Variants in TTC4 observed in about 807,000 individuals in gnomAD.
TTC4 encodes hsp70/Hsp90 co-chaperone CNS1 homolog.
A neutral mutation model predicts 51.9 loss-of-function variants in TTC4; 36 were observed. The observed-to-expected ratio is 0.69, with a 90% confidence interval of 0.53 to 0.92. The LOEUF (loss-of-function observed/expected upper bound fraction) is 0.92. Among genes scored for constraint, TTC4 ranks in the 40% least tolerant of loss-of-function variants. The pLI is 0.00. For missense variants in TTC4, 399 were observed against 454.6 expected, an observed-to-expected ratio of 0.88 and a Z score of 1.11; for synonymous variants, 144 against 164.2, an observed-to-expected ratio of 0.88 and a Z score of 0.94.
At chr1:54,727,398 A>G (rs944783379) in intron 5 of TTC4, among the ~76,000 whole-genome samples, 8 of 152,190 alleles carry the variant, frequency 5.3e-5, no homozygotes, top group East Asian at 3.8e-4. Flanking sequence ...AGACTATACA[A>G]CTCTTAAAAG....
intron 4 of TTC4, 28 bp from the exon 5 acceptor site, chr1:54,722,647 T>G: frequency 1.1e-5 from 17 of 1,606,094 alleles, no homozygotes; most frequent in Non-Finnish European, 1.4e-5. Flanking sequence ...ATGTTTTTCT[T>G]GAATCCTAAG....
rs1645961718 is a variant in TTC4, at chr1:54,737,581, G to C, written c.979-1G>C. 1 of 1,613,670 alleles carries C rather than the reference G, an allele frequency of 6.2e-7. No homozygotes were observed. ...CTCTTGCCCTTCTGTTAATCTTGCA[G>C]GTCTACTTTGAGGATGAGGACAGGG... On this transcript the variant is annotated splice_acceptor_variant, in intron 8 of 9. Coordinates refer to ENST00000371281, the MANE Select transcript of TTC4 (RefSeq NM_004623.5). LOFTEE classifies it high-confidence loss of function.
chr1:54,728,932 T>C (rs537236312), intron 6 of TTC4, among the ~76,000 whole-genome samples: 28 of 152,362 alleles, frequency 1.8e-4, no homozygotes, highest in Middle Eastern at 3.4e-3. Context: ...CCATAGATCT[T>C]AGCAACCTCA....
intron 3 of TTC4, among the ~76,000 whole-genome samples, chr1:54,718,191 G>A (rs931945467): frequency 6.6e-6 from 1 of 151,988 alleles, no homozygotes; most frequent in South Asian, 2.1e-4. Context: ...GACCAACCTG[G>A]GCAATATAGT....
chr1:54,725,597 A>G lies in TTC4; in HGVS notation c.595-2749A>G, dbSNP rs967522896. The stretch of plus-strand genomic sequence containing the variant: ...ACATGTACACAAAGCCTCTTGACAA[A>G]GATTGGAAGACTTACTGTCTGGTCA... On this transcript the variant is annotated intron_variant, in intron 5 of 9. Transcript: ENST00000371281. Among the ~76,000 whole-genome samples the G allele has an allele frequency of 3.9e-5, 6 of 152,210 alleles. No individual in the cohort carries two copies. In the South Asian group the frequency reaches 6.2e-4, roughly 16 times the overall value.
At chr1:54,733,462 T>C (rs1645894881) in intron 7 of TTC4, among the ~76,000 whole-genome samples, 167 bp from the exon 8 acceptor site, 1 of 151,806 alleles carries the variant, frequency 6.6e-6, no homozygotes, top group South Asian at 2.1e-4. Context: ...TATGTCATAA[T>C]AGGACAAGTG....
intron 3 of TTC4, among the ~76,000 whole-genome samples, chr1:54,720,315 C>A (rs1042580786): frequency 1.3e-4 from 19 of 151,946 alleles, no homozygotes; most frequent in African/African-American, 4.4e-4. Context: ...TTTTGCTGAC[C>A]CCTGGGCTAG....
chr1:54,733,263 GA>G (rs975072393), intron 7 of TTC4, among the ~76,000 whole-genome samples: 13 of 148,236 alleles, frequency 8.8e-5, no homozygotes, highest in Non-Finnish European at 1.2e-4. Context: ...ACAAAAAAAA[GA>G]AAAAAATTAG....
chr1:54,722,929 CTG>C, intron 5 of TTC4, 130 bp downstream of exon 5: 1 of 1,211,484 alleles, frequency 8.3e-7, no homozygotes, highest in Non-Finnish European at 1.1e-6. Flanking sequence ...TCCTGGAACT[CTG>C]TGGAGCACAC....
chr1:54,740,159 T>A (rs1293355873), intron 9 of TTC4, among the ~76,000 whole-genome samples: 4 of 136,826 alleles, frequency 2.9e-5, no homozygotes, highest in Non-Finnish European at 6.5e-5. Flanking sequence ...TAGGTGAGAG[T>A]GAGACCCCCT....
Position 54,741,615 on chromosome 1 carries a change from C to T in TTC4, c.*102C>T, listed in dbSNP as rs1409089729. The T allele has an allele frequency of 2.1e-5, 21 of 1,005,372 alleles. No individual in the cohort carries two copies. The highest frequency in any genetic ancestry group is 6.0e-5 in the Admixed American group (3 of 49,890). The allele number at this position is 1,005,372 out of a possible 1,614,324, so 62.3% of individuals were successfully genotyped here. Reference sequence around the variant, plus strand: ...CTGCTGGAGTCCAGTGCTTTCTTTCCGTCACCCTGGGGATAGTCCTTCCTG... The same window carrying T: ...CTGCTGGAGTCCAGTGCTTTCTTTCTGTCACCCTGGGGATAGTCCTTCCTG... On this transcript the variant is annotated 3_prime_UTR_variant, in exon 10 of 10. Transcript: ENST00000371281.
At chr1:54,736,339 A>G (rs1002312303) in intron 8 of TTC4, among the ~76,000 whole-genome samples, 2 of 151,630 alleles carry the variant, frequency 1.3e-5, no homozygotes, top group East Asian at 1.9e-4. Context: ...CCCTTTCTAT[A>G]TTTGTAACAA....
In TTC4 at chr1:54,733,664, C is replaced by T. The variant is rs1047856348; in HGVS notation, c.932C>T (p.Thr311Ile). 6.2e-7 allele frequency: 1 copy of T among 1,602,442 alleles called. No homozygotes were observed. The highest frequency in any genetic ancestry group is 1.1e-5 in the South Asian group (1 of 89,264). Residue 311 changes from threonine to isoleucine, a missense_variant, in exon 8 of 10, where the codon ACA becomes ATA. Physicochemically the swap from Thr to Ile is moderately conservative, Grantham distance 89. Transcript: ENST00000371281. ...IDHLMVMFGE[T>I]PSWDLEQKYC... is the part of the protein sequence containing the mutation. ...CATCTAATGGTGATGTTTGGTGAAA[C>T]ACCCTCTTGGGACCTAGAGCAAAAA... is the stretch of plus-strand genomic sequence containing the variant.
At chr1:54,729,800 T>C (rs569363471) in intron 6 of TTC4, among the ~76,000 whole-genome samples, 2 of 151,876 alleles carry the variant, frequency 1.3e-5, no homozygotes, top group East Asian at 3.9e-4. Flanking sequence ...CTCGGCTCAC[T>C]GCAGCCTCCA....
rs561140330 is a variant in TTC4, at chr1:54,741,571, C to T, written c.*58C>T. ...CCTCCTCTGCTGGGAACCTAGCACA[C>T]CTGAATCAGCTGGACATACTGCTGG... On this transcript the variant is annotated 3_prime_UTR_variant, in exon 10 of 10. Transcript: ENST00000371281. The T allele has an allele frequency of 1.3e-5, 18 of 1,363,818 alleles. No homozygotes were observed. The African/African-American group carries it at 2.3e-4, about 17-fold the overall frequency. 84.5% of individuals were successfully genotyped at this position (1,363,818 alleles called of 1,614,324 possible).
intron 9 of TTC4, among the ~76,000 whole-genome samples, chr1:54,740,975 C>A (rs1646003774): frequency 6.6e-6 from 1 of 152,084 alleles, no homozygotes; most frequent in Admixed American, 6.6e-5. Context: ...TAATGCTGCG[C>A]CTCACAAATG....
At chr1:54,724,004 A>G (rs936246547) in intron 5 of TTC4, among the ~76,000 whole-genome samples, 1 of 152,212 alleles carries the variant, frequency 6.6e-6, no homozygotes, top group Non-Finnish European at 1.5e-5. Context: ...AATTTCTGAA[A>G]GTGGTATATA....
chr1:54,736,180 GAGAGAGAGA>G (rs1645931748), intron 8 of TTC4, among the ~76,000 whole-genome samples: 1 of 23,228 alleles, frequency 4.3e-5, no homozygotes, highest in Non-Finnish European at 7.4e-5. Flanking sequence ...AGAAAGGAGA[GAGAGAGAGA>G]GAGAGAGAGA....
rs1390687783 is a variant in TTC4, at chr1:54,726,435, T to C, written c.595-1911T>C. The stretch of plus-strand genomic sequence containing the variant: ...TATGCAGACAACTTGACCGTGTATA[T>C]AGAAAATCCTAAGGGATCCACTAAA... On this transcript the variant is annotated intron_variant, in intron 5 of 9. Transcript: ENST00000371281. 2.0e-5 allele frequency among the ~76,000 whole-genome samples: 3 copies of C among 152,274 alleles called. No individual in the cohort carries two copies. In the East Asian group the frequency reaches 5.8e-4, roughly 29 times the overall value.
Sources: gnomAD v4.1 joint callset for allele counts (sites outside exome capture counted in the v4.1 genomes callset) on GRCh38, gnomAD v4.1.1 for gene constraint, MANE v1.5 for transcripts, NCBI Gene and HGNC (gene_info 2026-07-23, HGNC 2026-07-21) for gene names.